The following MAPKBP1 variants were observed in gnomAD, a reference collection of about 807,000 sequenced individuals.
MAPKBP1 encodes the protein mitogen-activated protein kinase binding protein 1.
MAPKBP1 carries 71 observed loss-of-function variants against 170.5 expected under a neutral mutation model. The observed-to-expected ratio is 0.42, with a 90% CI of 0.34 to 0.51. MAPKBP1 has a LOEUF of 0.51. MAPKBP1 is among the 20% of genes least tolerant of loss of function. The pLI is 0.06. For missense variants in MAPKBP1, 1,598 were observed against 1,933.0 expected (o/e 0.83, Z 3.25); for synonymous variants, 719 against 757.9 (o/e 0.95, Z 0.84).
intron 10 of MAPKBP1, 132 bp downstream of exon 10, chr15:41,814,871 G>A: frequency 8.6e-7 from 1 of 1,167,342 alleles, no homozygotes; most frequent in South Asian, 1.4e-5. Flanking sequence ...GACTTCCCTG[G>A]GATAGATCCT....
intron 20 of MAPKBP1, 78 bp from the exon 21 acceptor site, chr15:41,819,168 C>T: frequency 3.2e-6 from 5 of 1,557,308 alleles, no homozygotes; most frequent in East Asian, 2.3e-5. Flanking sequence ...TGAGTCTCCT[C>T]TTCCTTCTTC....
chr15:41,815,521 C>A, intron 11 of MAPKBP1, 103 bp from the exon 12 acceptor site: 1 of 1,549,194 alleles, frequency 6.5e-7, no homozygotes, highest in Non-Finnish European at 8.8e-7. Flanking sequence ...CTTCATTTGG[C>A]TGTGCTCTGT....
chr15:41,817,798 G>A lies in MAPKBP1; in HGVS notation c.1904+63G>A. ...CATCTCCCTACGGGGTCAGCTCTGT[G>A]CAGCTAAGTTCCCACATCTGTCGTT... is the stretch of plus-strand genomic sequence containing the variant. On this transcript the variant is annotated intron_variant, in intron 16 of 30. Transcript: ENST00000457542. The surrounding 1 kb of genome is among the most constrained non-coding windows in gnomAD (Gnocchi z 4.2). 1.3e-6 allele frequency: 2 copies of A among 1,594,726 alleles called. No individual in the cohort carries two copies. The highest frequency in any genetic ancestry group is 1.1e-5 in the South Asian group (1 of 89,092).
intron 10 of MAPKBP1, 87 bp downstream of exon 10, chr15:41,814,826 ATCTTAGAT>A: frequency 6.8e-7 from 1 of 1,476,132 alleles, no homozygotes; most frequent in African/African-American, 1.4e-5. Flanking sequence ...CCCAAGTATA[ATCTTAGAT>A]TCCTGCTGCC....
At chr15:41,811,379 T>C (rs1473545850) in intron 5 of MAPKBP1, 144 bp downstream of exon 5, 7 of 835,530 alleles carry the variant, frequency 8.4e-6, no homozygotes, top group Middle Eastern at 2.2e-4. Context: ...AAAATAGTGG[T>C]TCTCAAGCTT....
Position 41,823,578 on chromosome 15 carries a change from C to A in MAPKBP1, c.3730C>A (p.Pro1244Thr). ...RPSRPHSYQNPTTSSMAKISR... is the reference protein window; with the variant it reads ...RPSRPHSYQNTTTSSMAKISR... The stretch of plus-strand genomic sequence containing the variant: ...GTCTCGGCCTCACTCCTATCAGAAC[C>A]CCACCACCAGTTCCATGGCCAAGAT... The change falls in exon 29 of 31, where the codon CCC (proline) becomes ACC (threonine). Residue 1244 changes from proline (P) to threonine (T), a missense_variant. By Grantham distance (38) the Pro-to-Thr change is conservative (BLOSUM62 -1). Around this residue, in one of 6 missense-constraint regions of MAPKBP1, gnomAD observed 942 missense variants for 953.2 expected, o/e 0.99. Coordinates refer to ENST00000457542, the MANE Select transcript of MAPKBP1 (RefSeq NM_014994.3). 1.2e-6 allele frequency: 2 copies of A among 1,614,188 alleles called. No homozygotes were observed. Among genetic ancestry groups the A allele is most frequent in the Non-Finnish European group, 1.7e-6 (2 of 1,180,020 alleles).
chr15:41,812,710 C>A, intron 7 of MAPKBP1, 57 bp downstream of exon 7: 1 of 1,537,680 alleles, frequency 6.5e-7, no homozygotes, highest in Non-Finnish European at 8.7e-7. Flanking sequence ...CTGCCCAGCC[C>A]AACCCAGGAG....
intron 3 of MAPKBP1, among the ~76,000 whole-genome samples, chr15:41,803,306 C>T (rs562423470): frequency 1.1e-4 from 16 of 148,836 alleles, no homozygotes; most frequent in East Asian, 2.0e-4. Context: ...CCCAGTTACT[C>T]GGGAGGCTGA....
chr15:41,821,910 G>C, intron 24 of MAPKBP1, 55 bp from the exon 25 acceptor site: 1 of 1,586,680 alleles, frequency 6.3e-7, no homozygotes, highest in Non-Finnish European at 8.6e-7. Context: ...GTCCAGCGGG[G>C]CTGCTGCCTA....
chr15:41,823,487 A>G lies in MAPKBP1; in HGVS notation c.3639A>G (p.Ala1213=), dbSNP rs777978989. The stretch of plus-strand genomic sequence containing the variant: ...GTCTGCAGGCCCCTTCACCAGGCGC[A>G]CTGCTGTCTCGGGAGATCGAAGCTC... ...EASLQAPSPG[A]LLSREIEAQD... Residue 1213 remains alanine (A), a synonymous_variant, in exon 29 of 31, where the codon GCA becomes GCG. Coordinates refer to ENST00000457542, the MANE Select transcript of MAPKBP1 (RefSeq NM_014994.3). 6.2e-7 allele frequency: 1 copy of G among 1,613,930 alleles called. No individual in the cohort carries two copies. Among genetic ancestry groups the G allele is most frequent in the Non-Finnish European group, 8.5e-7 (1 of 1,179,944 alleles).
intron 3 of MAPKBP1, among the ~76,000 whole-genome samples, chr15:41,803,380 C>A: frequency 7.7e-6 from 1 of 129,646 alleles, no homozygotes. Context: ...TGCCACTGCA[C>A]TCCAGCCTGA....
chr15:41,790,004 T>G (rs1888275713), intron 2 of MAPKBP1, among the ~76,000 whole-genome samples: 1 of 152,236 alleles, frequency 6.6e-6, no homozygotes, highest in African/African-American at 2.4e-5. Context: ...ATCCTGGTTC[T>G]TCCACTCACT....
intron 2 of MAPKBP1, among the ~76,000 whole-genome samples, chr15:41,795,702 G>T (rs556229216): frequency 4.1e-4 from 63 of 152,264 alleles, no homozygotes; most frequent in Non-Finnish European, 4.1e-4. Flanking sequence ...TGCCTCCCGG[G>T]TTCACACCAT....
At position 41,818,791 on chromosome 15, in the gene MAPKBP1, C is replaced by A; in HGVS notation, c.2157-32C>A. On this transcript the variant is annotated intron_variant, in intron 19 of 30. Transcript: ENST00000457542. The surrounding 1 kb of genome is among the most constrained non-coding windows in gnomAD (Gnocchi z 5.2). Reference sequence around the variant, plus strand: ...ATGGCGCTAGCCATTCTACCTGCCCCTCCTTCAGCCAACTGTGTGGCTTTA... The same window carrying A: ...ATGGCGCTAGCCATTCTACCTGCCCATCCTTCAGCCAACTGTGTGGCTTTA... 6.2e-7 allele frequency: 1 copy of A among 1,610,628 alleles called. No individual in the cohort carries two copies. The highest frequency in any genetic ancestry group is 8.5e-7 in the Non-Finnish European group (1 of 1,177,044).
At chr15:41,780,184 A>G (rs1043728827) in intron 2 of MAPKBP1, among the ~76,000 whole-genome samples, 5 of 152,176 alleles carry the variant, frequency 3.3e-5, no homozygotes, top group Admixed American at 6.5e-5. Context: ...TTCAGTTTGC[A>G]ATTTAGGGCA....
rs1363624340 is a variant in MAPKBP1 at position 41,798,197 on chromosome 15, C to G, written c.115-1626C>G. On this transcript the variant is annotated intron_variant, in intron 2 of 30. Transcript: ENST00000457542. ...CCCGGGAGGTGGAGCTTGCAGTGAGCCGAGATGGTGCCACTGCACTCCAGC... is the reference window on the plus strand; with the variant it reads ...CCCGGGAGGTGGAGCTTGCAGTGAGGCGAGATGGTGCCACTGCACTCCAGC... 2.9e-5 allele frequency among the ~76,000 whole-genome samples: 4 copies of G among 138,606 alleles called. No homozygotes were observed. The East Asian group carries it at 9.3e-4, about 32-fold the overall frequency. The allele number at this position is 138,606 out of a possible 152,430, so 90.9% of individuals were successfully genotyped here. A position where few individuals can be genotyped will look rare whatever the true frequency, so the allele number is the denominator to read the frequency against.
In MAPKBP1 at chr15:41,822,977, C is replaced by G. The variant is rs142103818; in HGVS notation, c.3353C>G (p.Ser1118Trp). ...TCCTCCTCAAGCCTGGCACTGATGTCGAGACCAGCCCAGGTGCCACAGGCA... is the reference window on the plus strand; with the variant it reads ...TCCTCCTCAAGCCTGGCACTGATGTGGAGACCAGCCCAGGTGCCACAGGCA... ...SPSSSSLALM[S>W]RPAQVPQASG... Residue 1118 changes from serine (S) to tryptophan (W), a missense_variant, in exon 28 of 31, where the codon TCG (serine) becomes TGG (tryptophan). Ser to Trp is a radical substitution (Grantham distance 177, BLOSUM62 -3). Around this residue, in one of 6 missense-constraint regions of MAPKBP1, gnomAD observed 942 missense variants for 953.2 expected, o/e 0.99. Transcript: ENST00000457542. The G allele has an allele frequency of 3.1e-6, 5 of 1,613,718 alleles. No individual in the cohort carries two copies. Among genetic ancestry groups the G allele is most frequent in the South Asian group, 1.1e-5 (1 of 91,016 alleles).
intron 2 of MAPKBP1, among the ~76,000 whole-genome samples, chr15:41,795,167 AAAAAAAAAAAAAAAG>A (rs1288608977): frequency 1.4e-5 from 2 of 147,042 alleles, no homozygotes; most frequent in Admixed American, 6.8e-5. Context: ...CTGTCTCAAA[AAAAAAAAAAAAAAAG>A]AAAAAGAAAA....
rs765528665 is a variant in MAPKBP1, at chr15:41,819,547, C to CCGG, written c.2426-48_2426-47insCGG. 36 of 1,235,846 alleles carry CCGG rather than the reference C, an allele frequency of 2.9e-5. 1 individual carries two copies. The highest frequency in any genetic ancestry group is 4.7e-4 in the Middle Eastern group (2 of 4,288). 76.6% of individuals were successfully genotyped at this position (1,235,846 alleles called of 1,614,324 possible). Reference sequence around the variant, plus strand: ...GGGCCAGGGCTCCAGGGTTGGGTGGCGGGGGGGGGGCAGGAGACACTTCCT... The same window carrying CCGG: ...GGGCCAGGGCTCCAGGGTTGGGTGGCCGGGGGGGGGGGGCAGGAGACACTTCCT... On this transcript the variant is annotated intron_variant, in intron 21 of 30. Transcript: ENST00000457542.
Sources: gnomAD v4.1 joint callset for allele counts (sites outside exome capture counted in the v4.1 genomes callset) on GRCh38, gnomAD v4.1.1 for gene constraint, gnomAD v4.1.1 regional missense constraint, Gnocchi (gnomAD v3.1) non-coding constraint, MANE v1.5 for transcripts, NCBI Gene and HGNC (gene_info 2026-07-23, HGNC 2026-07-21) for gene names.